Variants in DOK6 observed in about 807,000 individuals in gnomAD.
The protein encoded by DOK6 is downstream of tyrosine kinase 6.
Under a neutral mutation model 44.0 loss-of-function variants are expected in DOK6, and 22 were observed. The ratio of observed to expected loss-of-function variants is 0.50; its 90% CI spans 0.36 to 0.71. The LOEUF (loss-of-function observed/expected upper bound fraction) is 0.71. Among genes scored for constraint, DOK6 ranks in the 30% least tolerant of loss-of-function variants. DOK6 has a pLI of 0.00. For missense variants in DOK6, 340 were observed against 416.4 expected, an observed-to-expected ratio of 0.82 and a Z score of 1.60; for synonymous variants, 166 against 145.5, an observed-to-expected ratio of 1.14 and a Z score of -1.01.
intron 1 of DOK6, among the ~76,000 whole-genome samples, chr18:69,495,265 C>T (rs1266641681): frequency 6.6e-6 from 1 of 152,234 alleles, no homozygotes; most frequent in African/African-American, 2.4e-5. Flanking sequence ...CACAGCTCTC[C>T]TCTCCCCTTC....
intron 4 of DOK6, among the ~76,000 whole-genome samples, chr18:69,687,926 T>C (rs569077983): frequency 6.6e-6 from 1 of 152,274 alleles, no homozygotes; most frequent in South Asian, 2.1e-4. Context: ...TAATCTAGAT[T>C]GTGTACTCGG....
intron 3 of DOK6, among the ~76,000 whole-genome samples, chr18:69,619,074 A>C (rs1425958931): frequency 6.6e-6 from 1 of 152,212 alleles, no homozygotes; most frequent in African/African-American, 2.4e-5. Flanking sequence ...GATGCCACAA[A>C]AAAACTAAAT....
rs1048150343 is a variant in DOK6 at position 69,548,755 on chromosome 18, T to C, written c.67-15732T>C. Among the ~76,000 whole-genome samples, 15 of 151,714 alleles carry C rather than the reference T, an allele frequency of 9.9e-5. No individual in the cohort carries two copies. In the East Asian group the frequency reaches 2.3e-3, roughly 23 times the overall value. On this transcript the variant is annotated intron_variant, in intron 1 of 7. Coordinates refer to ENST00000382713, the MANE Select transcript of DOK6 (RefSeq NM_152721.6). ...TTGATTTTATTTATGACCTTAAGCA[T>C]TTTGTTTAAGAATTTTTAATTGTAA... is the stretch of plus-strand genomic sequence containing the variant.
chr18:69,594,948 A>G (rs1234288787), intron 2 of DOK6, among the ~76,000 whole-genome samples: 1 of 152,216 alleles, frequency 6.6e-6, no homozygotes, highest in Non-Finnish European at 1.5e-5. Flanking sequence ...AAGAAGTGGC[A>G]TTTCTATACA....
chr18:69,501,734 A>G (rs1394747083), intron 1 of DOK6, among the ~76,000 whole-genome samples: 1 of 145,914 alleles, frequency 6.9e-6, no homozygotes, highest in Non-Finnish European at 1.5e-5. Context: ...TGAAACACTT[A>G]TGTCAGTTCA....
In DOK6 at chr18:69,508,284, C is replaced by G. The variant is rs538103392; in HGVS notation, c.67-56203C>G. 1.2e-3 allele frequency among the ~76,000 whole-genome samples: 175 copies of G among 152,092 alleles called. 1 individual carries two copies. Among genetic ancestry groups the G allele is most frequent in the Non-Finnish European group, 1.8e-3 (123 of 67,984 alleles). On this transcript the variant is annotated intron_variant, in intron 1 of 7. Transcript: ENST00000382713. ...TGCTATTTTATGGAGTTTTTTGCATCTATATTAATAAGGTACATTGGTCTG... is the reference window on the plus strand; with the variant it reads ...TGCTATTTTATGGAGTTTTTTGCATGTATATTAATAAGGTACATTGGTCTG...
intron 6 of DOK6, among the ~76,000 whole-genome samples, chr18:69,747,063 T>C (rs1979008644): frequency 6.6e-6 from 1 of 152,220 alleles, no homozygotes; most frequent in African/African-American, 2.4e-5. Flanking sequence ...CTGTACCTCA[T>C]TGTCCTTGTC....
chr18:69,585,789 A>G (rs1004854456), intron 2 of DOK6, among the ~76,000 whole-genome samples: 2 of 152,256 alleles, frequency 1.3e-5, no homozygotes, highest in South Asian at 4.1e-4. Context: ...TAACATTCAT[A>G]GACTGATACA....
chr18:69,646,410 T>C lies in DOK6; in HGVS notation c.290-31324T>C, dbSNP rs1985074754. 1.3e-5 allele frequency among the ~76,000 whole-genome samples: 2 copies of C among 152,226 alleles called. 1 individual carries two copies. Among genetic ancestry groups the C allele is most frequent in the South Asian group, 4.1e-4 (2 of 4,834 alleles). ...GTATGATGTTACAGTTTGCCTCTGATTTCTGGTTATTTTAGGGAAAAAAAT... is the reference window on the plus strand; with the variant it reads ...GTATGATGTTACAGTTTGCCTCTGACTTCTGGTTATTTTAGGGAAAAAAAT... On this transcript the variant is annotated intron_variant, in intron 3 of 7. Transcript: ENST00000382713.
At chr18:69,542,909 T>A (rs1982307569) in intron 1 of DOK6, among the ~76,000 whole-genome samples, 1 of 151,600 alleles carries the variant, frequency 6.6e-6, no homozygotes, top group Non-Finnish European at 1.5e-5. Context: ...GATCTTGACA[T>A]TTCTTTTACT....
At chr18:69,773,955 A>G (rs1261590253) in intron 7 of DOK6, among the ~76,000 whole-genome samples, 2 of 150,956 alleles carry the variant, frequency 1.3e-5, no homozygotes, top group Admixed American at 1.3e-4. Flanking sequence ...AAAAAAAGAT[A>G]CTTGCACATG....
At chr18:69,699,907 T>C (rs909189633) in intron 5 of DOK6, among the ~76,000 whole-genome samples, 1 of 152,096 alleles carries the variant, frequency 6.6e-6, no homozygotes, top group Non-Finnish European at 1.5e-5. Flanking sequence ...AGAGGTTTAA[T>C]GGACTCACAG....
chr18:69,656,894 A>T (rs1049686056), intron 3 of DOK6, among the ~76,000 whole-genome samples: 1 of 152,184 alleles, frequency 6.6e-6, no homozygotes, highest in Non-Finnish European at 1.5e-5. Context: ...AGATCTTCTG[A>T]ATCAGAAATT....
chr18:69,744,925 TAAAAAAAAAAA>T (rs58133144), intron 6 of DOK6, among the ~76,000 whole-genome samples: 1 of 89,808 alleles, frequency 1.1e-5, no homozygotes, highest in Non-Finnish European at 2.0e-5. Flanking sequence ...ACACTCCATC[TAAAAAAAAAAA>T]AAAAAAAAAA....
chr18:69,472,652 T>C (rs1017665613), intron 1 of DOK6, among the ~76,000 whole-genome samples: 10 of 152,064 alleles, frequency 6.6e-5, no homozygotes, highest in Non-Finnish European at 1.5e-4. Flanking sequence ...ATCAGGAGAA[T>C]TGAAAACACA....
At chr18:69,618,463 A>G (rs1984364661) in intron 3 of DOK6, 2 of 162,462 alleles carry the variant, frequency 1.2e-5, no homozygotes, top group Non-Finnish European at 2.6e-5. Context: ...AGAGTTTTGT[A>G]TTAGTCCGTT....
intron 1 of DOK6, among the ~76,000 whole-genome samples, chr18:69,529,096 T>C (rs879573626): frequency 5.9e-5 from 9 of 152,226 alleles, no homozygotes; most frequent in Non-Finnish European, 1.3e-4. Context: ...TAGATGTGTG[T>C]GCACACGACT....
intron 1 of DOK6, among the ~76,000 whole-genome samples, chr18:69,434,235 T>C (rs1422986196): frequency 6.6e-6 from 1 of 152,218 alleles, no homozygotes; most frequent in Non-Finnish European, 1.5e-5. Context: ...AAATACCTAT[T>C]GATTTCTGGT....
At position 69,490,748 on chromosome 18, in the gene DOK6, T is replaced by C. The variant is rs928437576; in HGVS notation, c.67-73739T>C. Among the ~76,000 whole-genome samples, 42 of 152,362 alleles carry C rather than the reference T, an allele frequency of 2.8e-4. 2 individuals carry two copies. The highest frequency in any genetic ancestry group is 7.3e-5 in the Non-Finnish European group (5 of 68,036). ...AACTGATTCTATTTAGTTTTGTTTC[T>C]TTTAATTGAATAAAAACATTTTGAG... On this transcript the variant is annotated intron_variant, in intron 1 of 7. Transcript: ENST00000382713.
Sources: gnomAD v4.1 joint callset for allele counts (sites outside exome capture counted in the v4.1 genomes callset) on GRCh38, gnomAD v4.1.1 for gene constraint, MANE v1.5 for transcripts, NCBI Gene and HGNC (gene_info 2026-07-23, HGNC 2026-07-21) for gene names.